CLPSL1: variants seen among roughly 807,000 people sequenced by gnomAD.
The protein encoded by CLPSL1 is colipase like 1.
In CLPSL1, 13 loss-of-function variants were observed where a neutral mutation model predicts 9.3. The observed-to-expected ratio is 1.40, with a 90% CI of 0.91 to 2.22. The LOEUF (loss-of-function observed/expected upper bound fraction) is 2.22, where lower values mean the gene tolerates loss of function less well. Among genes scored for constraint, CLPSL1 ranks in the 30% most tolerant of loss-of-function variants. CLPSL1 has a pLI of 0.00. For synonymous variants in CLPSL1, 58 were observed against 56.9 expected, an observed-to-expected ratio of 1.02 and a Z score of -0.08; for missense variants, 164 against 146.6, an observed-to-expected ratio of 1.12 and a Z score of -0.61.
At chr6:35,787,223 TG>T in intron 2 of CLPSL1, 103 bp downstream of exon 2, 8 of 1,352,540 alleles carry the variant, frequency 5.9e-6, no homozygotes, top group Non-Finnish European at 8.2e-6. Context: ...TGGGCGGAAA[TG>T]CCCTGGAGCC....
At chr6:35,784,184 G>T (rs1768025662) in intron 1 of CLPSL1, among the ~76,000 whole-genome samples, 1 of 152,158 alleles carries the variant, frequency 6.6e-6, no homozygotes, top group South Asian at 2.1e-4. Context: ...TGGGGGGCAT[G>T]ACTTCCATTC....
intron 2 of CLPSL1, 91 bp downstream of exon 2, chr6:35,787,211 G>C: frequency 6.9e-7 from 1 of 1,449,186 alleles, no homozygotes; most frequent in Non-Finnish European, 9.5e-7. Flanking sequence ...AAGAAGGGTA[G>C]GTGGGCGGAA....
intron 1 of CLPSL1, among the ~76,000 whole-genome samples, chr6:35,786,341 C>G (rs983853017): frequency 6.6e-6 from 1 of 152,160 alleles, no homozygotes; most frequent in Non-Finnish European, 1.5e-5. Context: ...GGCTATTGGA[C>G]TGGGCAGAAA....
At position 35,787,889 on chromosome 6, in the gene CLPSL1, C is replaced by G. The variant is rs755264887; in HGVS notation, c.245C>G (p.Ala82Gly). 3.7e-6 allele frequency: 6 copies of G among 1,606,920 alleles called. No individual in the cohort carries two copies. In the East Asian group the frequency reaches 1.3e-4, roughly 36 times the overall value. ...QTQVFFGQYR[A>G]CPCLRNLTCI... ...CAGGTGTTCTTTGGCCAATATAGAG[C>G]GTGTCCCTGCCTGCGGAACCTGACT... The change falls in exon 3 of 3, where the codon GCG becomes GGG. Residue 82 changes from alanine (A) to glycine (G), a missense_variant. Ala to Gly is a moderately conservative substitution (Grantham distance 60). Transcript: ENST00000373861.
At chr6:35,784,900 G>A (rs931888620) in intron 1 of CLPSL1, among the ~76,000 whole-genome samples, 3 of 152,184 alleles carry the variant, frequency 2.0e-5, no homozygotes, top group African/African-American at 7.2e-5. Flanking sequence ...AAAAGCTTTA[G>A]AGCAGGAAAG....
chr6:35,787,144 G>C (rs773132834), intron 2 of CLPSL1, 24 bp downstream of exon 2: 1 of 1,609,698 alleles, frequency 6.2e-7, no homozygotes. Context: ...CCCGGGGGGA[G>C]CCAGAGGGGA....
chr6:35,784,817 A>G (rs1484776583), intron 1 of CLPSL1, among the ~76,000 whole-genome samples: 4 of 152,232 alleles, frequency 2.6e-5, no homozygotes, highest in African/African-American at 9.7e-5. Context: ...CTCAGAAGAA[A>G]GAATTCAACT....
intron 2 of CLPSL1, 98 bp from the exon 3 acceptor site, chr6:35,787,769 T>C (rs1230015020): frequency 8.6e-7 from 1 of 1,160,304 alleles, no homozygotes; most frequent in South Asian, 1.3e-5. Flanking sequence ...ATCCTGGCTG[T>C]GGGCAAGCAC....
downstream of CLPSL1, among the ~76,000 whole-genome samples, chr6:35,791,297 GA>G (rs1768203431): frequency 6.6e-6 from 1 of 150,664 alleles, no homozygotes; most frequent in African/African-American, 2.4e-5. Context: ...TGTTTAAGTT[GA>G]AAATATCGTA....
At chr6:35,792,280 A>G (rs905407054), downstream of CLPSL1, among the ~76,000 whole-genome samples, 4 of 152,252 alleles carry the variant, frequency 2.6e-5, no homozygotes, top group Admixed American at 6.5e-5. Context: ...TCTCAAAAAA[A>G]AAAAAAAGTA....
Position 35,788,058 on chromosome 6 carries a change from C to A in CLPSL1, c.*48C>A, listed in dbSNP as rs767178204. 7 of 1,421,324 alleles carry A rather than the reference C, an allele frequency of 4.9e-6. No homozygotes were observed. The Admixed American group carries it at 1.0e-4, about 20-fold the overall frequency. 88.0% of individuals were successfully genotyped at this position (1,421,324 alleles called of 1,614,324 possible). ...CCTCCTCCTCCACCTGCTCTCCTCC[C>A]TACCCAGAGCTCTGTGTTCACCCTG... On this transcript the variant is annotated 3_prime_UTR_variant, in exon 3 of 3. Transcript: ENST00000373861.
chr6:35,788,367 T>G (rs1308146339), downstream of CLPSL1, among the ~76,000 whole-genome samples: 1 of 152,214 alleles, frequency 6.6e-6, no homozygotes, highest in Non-Finnish European at 1.5e-5. Context: ...CACTCTGTAA[T>G]CTACCCCCCG....
At chr6:35,790,684 AC>A (rs1357966805), downstream of CLPSL1, among the ~76,000 whole-genome samples, 1 of 152,254 alleles carries the variant, frequency 6.6e-6, no homozygotes, top group Non-Finnish European at 1.5e-5. Flanking sequence ...TCGTGACCTG[AC>A]TGTTTAGGTG....
chr6:35,791,709 T>C (rs1768213942), downstream of CLPSL1, among the ~76,000 whole-genome samples: 1 of 152,178 alleles, frequency 6.6e-6, no homozygotes, highest in Non-Finnish European at 1.5e-5. Context: ...GGTGGGCGGA[T>C]TGCTTGAGCC....
At chr6:35,793,040 C>A (rs914637639), downstream of CLPSL1, among the ~76,000 whole-genome samples, 1 of 152,276 alleles carries the variant, frequency 6.6e-6, no homozygotes, top group African/African-American at 2.4e-5. Context: ...GCTTTCCCAG[C>A]GTCCCTTGCA....
At chr6:35,781,870 C>T (rs775700003) in intron 1 of CLPSL1, among the ~76,000 whole-genome samples, 3 of 151,724 alleles carry the variant, frequency 2.0e-5, no homozygotes, top group African/African-American at 7.3e-5. Context: ...CTCAGCCTCC[C>T]GAGTAGCTGA....
chr6:35,789,180 G>A (rs1358426633), downstream of CLPSL1, among the ~76,000 whole-genome samples: 1 of 152,274 alleles, frequency 6.6e-6, no homozygotes, highest in Non-Finnish European at 1.5e-5. Context: ...AAGGAGAGGT[G>A]GCAGGCTGGA....
intron 1 of CLPSL1, among the ~76,000 whole-genome samples, chr6:35,781,411 T>C (rs1248578269): frequency 6.6e-6 from 1 of 152,116 alleles, no homozygotes; most frequent in East Asian, 1.9e-4. Flanking sequence ...CAGGTGCTGC[T>C]GCCACAGAGG....
intron 1 of CLPSL1, among the ~76,000 whole-genome samples, chr6:35,782,912 G>A (rs577725502): frequency 3.4e-4 from 52 of 152,004 alleles, no homozygotes; most frequent in Non-Finnish European, 2.1e-4. Flanking sequence ...GCACATAATC[G>A]TACATAATAG....
Sources: gnomAD v4.1 joint callset for allele counts (sites outside exome capture counted in the v4.1 genomes callset) on GRCh38, gnomAD v4.1.1 for gene constraint, MANE v1.5 for transcripts, NCBI Gene and HGNC (gene_info 2026-07-23, HGNC 2026-07-21) for gene names.